The following TOP1 variants were observed in gnomAD, a reference collection of about 807,000 sequenced individuals.
The protein encoded by TOP1 is DNA topoisomerase 1.
TOP1 carries 10 observed loss-of-function variants against 111.1 expected under a neutral mutation model. The ratio of observed to expected loss-of-function variants is 0.09; its 90% CI spans 0.06 to 0.15. The LOEUF is 0.15. Ranked by LOEUF, TOP1 falls within the 10% of genes least tolerant of loss-of-function variation. TOP1 has a pLI of 1.00. For missense variants in TOP1, 474 were observed against 926.7 expected (o/e 0.51, Z 6.34); for synonymous variants, 271 against 302.9 (o/e 0.89, Z 1.10).
At chr20:41,059,193 A>G (rs746495703) in intron 2 of TOP1, among the ~76,000 whole-genome samples, 84 of 152,004 alleles carry the variant, frequency 5.5e-4, no homozygotes, top group Non-Finnish European at 9.9e-4. Context: ...GAGGAGGGAG[A>G]AAATCAGGAA....
At position 41,116,490 on chromosome 20, in the gene TOP1, T is replaced by A; in HGVS notation, c.1822+98T>A. The A allele has an allele frequency of 1.1e-6, 1 of 910,490 alleles. No homozygotes were observed. The highest frequency in any genetic ancestry group is 2.2e-5 in the Admixed American group (1 of 46,216). 56.4% of individuals were successfully genotyped at this position (910,490 alleles called of 1,614,324 possible). A position where few individuals can be genotyped will look rare whatever the true frequency, so the allele number is the denominator to read the frequency against. ...TAGAGTCAGTTCTACTTTTTTTCCC[T>A]ACCATTGTGGTCAGACACTTTTTCC... is the stretch of plus-strand genomic sequence containing the variant. On this transcript the variant is annotated intron_variant, in intron 17 of 20. Transcript: ENST00000361337. This position sits in a 1 kb window ranked among gnomAD's most constrained non-coding sequence, Gnocchi z 5.6.
Position 41,121,825 on chromosome 20 carries a change from A to G in TOP1, c.2045+35A>G, listed in dbSNP as rs2034428052. 7.5e-6 allele frequency: 12 copies of G among 1,601,854 alleles called. No homozygotes were observed. Among genetic ancestry groups the G allele is most frequent in the Non-Finnish European group, 9.4e-6 (11 of 1,168,830 alleles). On this transcript the variant is annotated intron_variant, in intron 19 of 20. Coordinates refer to ENST00000361337, the MANE Select transcript of TOP1 (RefSeq NM_003286.4). The surrounding 1 kb of genome is among the most constrained non-coding windows in gnomAD (Gnocchi z 4.2). ...TGGTATTGTGAAAGTTGGGGCTGGT[A>G]GAGAAAAGTGTGCAGCATCTGTCAG...
At chr20:41,120,483 C>T (rs996326965) in intron 18 of TOP1, among the ~76,000 whole-genome samples, 1 of 152,212 alleles carries the variant, frequency 6.6e-6, no homozygotes, top group African/African-American at 2.4e-5. Context: ...TTCTCCTGCC[C>T]TCTGAGTAGC....
intron 2 of TOP1, among the ~76,000 whole-genome samples, chr20:41,042,676 A>T (rs1246258058): frequency 1.3e-5 from 2 of 152,226 alleles, no homozygotes; most frequent in African/African-American, 2.4e-5. Context: ...AGGGTTAGGG[A>T]TGCTGACTCC....
chr20:41,096,347 C>A (rs1282612126), intron 9 of TOP1, among the ~76,000 whole-genome samples: 1 of 152,222 alleles, frequency 6.6e-6, no homozygotes, highest in Non-Finnish European at 1.5e-5. Flanking sequence ...GGATTACAGG[C>A]ATGAGCCACT....
intron 3 of TOP1, among the ~76,000 whole-genome samples, chr20:41,066,809 C>G (rs903494281): frequency 1.3e-5 from 2 of 152,168 alleles, no homozygotes; most frequent in Non-Finnish European, 2.9e-5. Context: ...CTGCCTCGGC[C>G]TCCCAAAGTC....
intron 8 of TOP1, among the ~76,000 whole-genome samples, chr20:41,090,647 C>CG (rs2033908787): frequency 6.6e-6 from 1 of 151,954 alleles, no homozygotes; most frequent in African/African-American, 2.4e-5. Context: ...GGATTACAGG[C>CG]GTATGCCCCC....
rs1192382836 is a variant in TOP1 at position 41,029,550 on chromosome 20, C to T, written c.58+95C>T. On this transcript the variant is annotated intron_variant, in intron 2 of 20. Coordinates refer to ENST00000361337, the MANE Select transcript of TOP1 (RefSeq NM_003286.4). The surrounding 1 kb of genome is among the most constrained non-coding windows in gnomAD (Gnocchi z 6.1). ...GCCGGGCAGAGGACAGACATGGCGT[C>T]CCAGAGACTAAGTCCCGGCTCCTCG... 2 of 992,368 alleles carry T rather than the reference C, an allele frequency of 2.0e-6. No homozygotes were observed. Among genetic ancestry groups the T allele is most frequent in the Admixed American group, 2.0e-5 (1 of 48,916 alleles). The allele number at this position is 992,368 out of a possible 1,614,324, so 61.5% of individuals were successfully genotyped here. A position where few individuals can be genotyped will look rare whatever the true frequency, so the allele number is the denominator to read the frequency against.
chr20:41,118,162 T>C lies in TOP1; in HGVS notation c.1823-7T>C, dbSNP rs773985528. ...ACCCTCTTGCTACCATGTTCCTTTC[T>C]TTACAGCGGATGAGAACATCCCAGC... is the stretch of plus-strand genomic sequence containing the variant. On this transcript the variant is annotated splice_polypyrimidine_tract_variant and splice_region_variant and intron_variant, in intron 17 of 20. Coordinates refer to ENST00000361337, the MANE Select transcript of TOP1 (RefSeq NM_003286.4). The surrounding 1 kb of genome is among the most constrained non-coding windows in gnomAD (Gnocchi z 4.6). The C allele has an allele frequency of 6.2e-7, 1 of 1,613,466 alleles. No homozygotes were observed. Among genetic ancestry groups the C allele is most frequent in the Admixed American group, 1.7e-5 (1 of 59,988 alleles).
In TOP1 at chr20:41,109,845, C is replaced by A. The variant is rs1383933643; in HGVS notation, c.1309-2937C>A. 6.6e-6 allele frequency among the ~76,000 whole-genome samples: 1 copy of A among 152,180 alleles called. No homozygotes were observed. The highest frequency in any genetic ancestry group is 1.9e-4 in the East Asian group (1 of 5,204). On this transcript the variant is annotated intron_variant, in intron 13 of 20. Coordinates refer to ENST00000361337, the MANE Select transcript of TOP1 (RefSeq NM_003286.4). This position sits in a 1 kb window ranked among gnomAD's most constrained non-coding sequence, Gnocchi z 4.1. ...ATGAAAAAACTTGTACAAGAATGTTCATAGCAGTGCTCTATTCATAAGAGT... is the reference window on the plus strand; with the variant it reads ...ATGAAAAAACTTGTACAAGAATGTTAATAGCAGTGCTCTATTCATAAGAGT...
chr20:41,118,037 A>G lies in TOP1; in HGVS notation c.1823-132A>G, dbSNP rs1354867852. 7 of 1,019,240 alleles carry G rather than the reference A, an allele frequency of 6.9e-6. No individual in the cohort carries two copies. Among genetic ancestry groups the G allele is most frequent in the Non-Finnish European group, 9.7e-6 (7 of 721,768 alleles). The allele number at this position is 1,019,240 out of a possible 1,614,324, so 63.1% of individuals were successfully genotyped here. On this transcript the variant is annotated intron_variant, in intron 17 of 20. Coordinates refer to ENST00000361337, the MANE Select transcript of TOP1 (RefSeq NM_003286.4). The surrounding 1 kb of genome is among the most constrained non-coding windows in gnomAD (Gnocchi z 4.6). ...ATTTTGACCTTAGTCCTTGGGGGCAATTTGAATTAATCATCTGAGTAAGAT... is the reference window on the plus strand; with the variant it reads ...ATTTTGACCTTAGTCCTTGGGGGCAGTTTGAATTAATCATCTGAGTAAGAT...
chr20:41,086,547 C>T (rs1002551229), intron 8 of TOP1, among the ~76,000 whole-genome samples: 1 of 152,196 alleles, frequency 6.6e-6, no homozygotes, highest in Non-Finnish European at 1.5e-5. Flanking sequence ...TACTTCGGAG[C>T]TTTGGCTCTT....
chr20:41,074,624 T>C (rs1301401182), intron 3 of TOP1, among the ~76,000 whole-genome samples: 2 of 152,198 alleles, frequency 1.3e-5, no homozygotes, highest in Admixed American at 1.3e-4. Context: ...GTAGCTACTT[T>C]TGTGTGCAGG....
intron 18 of TOP1, among the ~76,000 whole-genome samples, chr20:41,120,745 C>G (rs560030707): frequency 5.3e-5 from 8 of 152,286 alleles, no homozygotes; most frequent in East Asian, 1.9e-4. Context: ...CCTCAGACTT[C>G]TCTCCTTTTT....
rs1404033643 is a variant in TOP1 at position 41,083,999 on chromosome 20, A to G, written c.508-463A>G. ...CTTTGTGTATACAAGCAGCAGCGAT[A>G]GTACTATACTCCACTAAATCAACTG... On this transcript the variant is annotated intron_variant, in intron 7 of 20. Transcript: ENST00000361337. This position sits in a 1 kb window ranked among gnomAD's most constrained non-coding sequence, Gnocchi z 7.2. 1.3e-5 allele frequency among the ~76,000 whole-genome samples: 2 copies of G among 152,204 alleles called. No homozygotes were observed. The highest frequency in any genetic ancestry group is 2.4e-5 in the African/African-American group (1 of 41,458).
At chr20:41,066,881 A>G (rs1478683046) in intron 3 of TOP1, among the ~76,000 whole-genome samples, 8 of 151,894 alleles carry the variant, frequency 5.3e-5, no homozygotes, top group Non-Finnish European at 7.4e-5. Flanking sequence ...TATTTTCTTC[A>G]TTCCTATAAA....
At chr20:41,089,333 C>T (rs1462315653) in intron 8 of TOP1, among the ~76,000 whole-genome samples, 1 of 152,086 alleles carries the variant, frequency 6.6e-6, no homozygotes, top group African/African-American at 2.4e-5. Flanking sequence ...GCCTATTCCC[C>T]CAGTTCTTGG....
In TOP1 at chr20:41,069,732, A is replaced by G. The variant is rs2033648179; in HGVS notation, c.156-6439A>G. ...GGTAGTTGAATCTAATTCAGTAGTT[A>G]TTGATAGCATTCAATTTGGAGCCCT... On this transcript the variant is annotated intron_variant, in intron 3 of 20. Coordinates refer to ENST00000361337, the MANE Select transcript of TOP1 (RefSeq NM_003286.4). The surrounding 1 kb of genome is among the most constrained non-coding windows in gnomAD (Gnocchi z 4.1). Among the ~76,000 whole-genome samples, 1 of 152,332 alleles carries G rather than the reference A, an allele frequency of 6.6e-6. No individual in the cohort carries two copies. Among genetic ancestry groups the G allele is most frequent in the East Asian group, 1.9e-4 (1 of 5,192 alleles).
rs1394031532 is a variant in TOP1 at position 41,080,004 on chromosome 20, A to C, written c.336-81A>C. The C allele has an allele frequency of 2.8e-5, 24 of 861,066 alleles. No individual in the cohort carries two copies. Among genetic ancestry groups the C allele is most frequent in the Non-Finnish European group, 4.2e-5 (22 of 526,908 alleles). The allele number at this position is 861,066 out of a possible 1,614,324, so 53.3% of individuals were successfully genotyped here. A position where few individuals can be genotyped will look rare whatever the true frequency, so the allele number is the denominator to read the frequency against. On this transcript the variant is annotated intron_variant, in intron 5 of 20. Transcript: ENST00000361337. The surrounding 1 kb of genome is among the most constrained non-coding windows in gnomAD (Gnocchi z 5.0). Reference sequence around the variant, plus strand: ...TCCTTATTTCTGTTAGCTTCTTTTCAACGAAATGACATATTCCTTCTTTGT... The same window carrying C: ...TCCTTATTTCTGTTAGCTTCTTTTCCACGAAATGACATATTCCTTCTTTGT...
Sources: allele counts gnomAD v4.1 joint callset (sites outside exome capture counted in the v4.1 genomes callset), GRCh38; gene constraint gnomAD v4.1.1; non-coding constraint Gnocchi (gnomAD v3.1); transcripts MANE v1.5; gene names NCBI Gene and HGNC (gene_info 2026-07-23, HGNC 2026-07-21).